CNTN5: variants seen among roughly 807,000 people sequenced by gnomAD.
The protein encoded by CNTN5 is contactin-5.
In CNTN5, 77 loss-of-function variants were observed where a neutral mutation model predicts 129.1. The observed-to-expected ratio is 0.60, with a 90% CI of 0.50 to 0.72. The LOEUF (loss-of-function observed/expected upper bound fraction) is 0.72, where lower values mean the gene tolerates loss of function less well. Among genes scored for constraint, CNTN5 ranks in the 30% least tolerant of loss-of-function variants. The pLI is 0.00. For missense variants in CNTN5, 1,478 were observed against 1,328.8 expected, an observed-to-expected ratio of 1.11 and a Z score of -1.75; for synonymous variants, 509 against 465.6, an observed-to-expected ratio of 1.09 and a Z score of -1.20.
chr11:99,186,961 C>T (rs571892007), intron 1 of CNTN5, among the ~76,000 whole-genome samples: 2 of 151,940 alleles, frequency 1.3e-5, no homozygotes, highest in East Asian at 3.9e-4. Context: ...AGCCAGTTCT[C>T]AAACATTTCC....
intron 4 of CNTN5, among the ~76,000 whole-genome samples, chr11:99,841,781 TTATA>T (rs755315937): frequency 7.2e-4 from 70 of 96,924 alleles, no homozygotes; most frequent in African/African-American, 1.6e-3. Flanking sequence ...GGTTTGACAT[TTATA>T]TATATATATA....
chr11:100,032,169 C>T (rs1941747539), intron 9 of CNTN5, among the ~76,000 whole-genome samples: 2 of 152,068 alleles, frequency 1.3e-5, no homozygotes, highest in Admixed American at 1.3e-4. Flanking sequence ...TATATTTGGC[C>T]CATGAAGATT....
At chr11:99,447,025 T>A (rs1944100996) in intron 2 of CNTN5, among the ~76,000 whole-genome samples, 1 of 152,218 alleles carries the variant, frequency 6.6e-6, no homozygotes, top group African/African-American at 2.4e-5. Context: ...CCTACTGTTG[T>A]TCATAGTCTA....
At chr11:99,292,088 T>G (rs1864192879) in intron 1 of CNTN5, among the ~76,000 whole-genome samples, 1 of 152,036 alleles carries the variant, frequency 6.6e-6, no homozygotes, top group Non-Finnish European at 1.5e-5. Context: ...TTTAAATGAT[T>G]GGTAGAAACA....
At chr11:99,849,761 C>T (rs1335039688) in intron 6 of CNTN5, among the ~76,000 whole-genome samples, 1 of 152,160 alleles carries the variant, frequency 6.6e-6, no homozygotes, top group Non-Finnish European at 1.5e-5. Flanking sequence ...ATTTTATCCT[C>T]ATAACCAACA....
chr11:100,218,088 C>A (rs769152183), intron 15 of CNTN5, among the ~76,000 whole-genome samples: 1 of 152,174 alleles, frequency 6.6e-6, no homozygotes, highest in Non-Finnish European at 1.5e-5. Flanking sequence ...CAGGTTGAAT[C>A]TAATGATATG....
At chr11:99,331,885 A>G (rs1389029670) in intron 2 of CNTN5, among the ~76,000 whole-genome samples, 16 of 152,098 alleles carry the variant, frequency 1.1e-4, no homozygotes, top group Admixed American at 7.2e-4. Flanking sequence ...GCCTTAAGAC[A>G]CAATGCATAT....
chr11:99,156,176 T>C (rs1728463485), intron 1 of CNTN5, among the ~76,000 whole-genome samples: 1 of 151,956 alleles, frequency 6.6e-6, no homozygotes, highest in Non-Finnish European at 1.5e-5. Context: ...GAAATGTCAT[T>C]AATAATAAAA....
At chr11:99,031,894 C>A (rs1863401067) in intron 1 of CNTN5, among the ~76,000 whole-genome samples, 1 of 148,988 alleles carries the variant, frequency 6.7e-6, no homozygotes, top group Non-Finnish European at 1.5e-5. Context: ...TTAGGTATAT[C>A]TCCCAATGCT....
intron 2 of CNTN5, among the ~76,000 whole-genome samples, chr11:99,484,442 A>G (rs1290095202): frequency 6.6e-6 from 1 of 152,136 alleles, no homozygotes; most frequent in East Asian, 1.9e-4. Context: ...AATGTAAACT[A>G]CTACAGCCAC....
intron 2 of CNTN5, among the ~76,000 whole-genome samples, chr11:99,500,704 A>G (rs1946394220): frequency 6.6e-6 from 1 of 152,170 alleles, no homozygotes; most frequent in East Asian, 1.9e-4. Flanking sequence ...TTGTTTAAGC[A>G]TATTTGAATT....
intron 1 of CNTN5, among the ~76,000 whole-genome samples, chr11:99,232,535 C>T (rs959751059): frequency 1.3e-5 from 2 of 152,102 alleles, no homozygotes; most frequent in Non-Finnish European, 2.9e-5. Context: ...TGCTTGTCAT[C>T]TTAAGAAGCT....
chr11:99,910,962 C>T lies in CNTN5; in HGVS notation c.578-5092C>T, dbSNP rs1949643334. 3.9e-5 allele frequency among the ~76,000 whole-genome samples: 6 copies of T among 152,010 alleles called. No homozygotes were observed. In the South Asian group the frequency reaches 1.2e-3, roughly 32 times the overall value. ...TGCAATCACTTTGCAAGTGAGGCAG[C>T]AAATACCAAGTCAGTATTACAAAAC... On this transcript the variant is annotated intron_variant, in intron 6 of 24. Transcript: ENST00000524871.
chr11:100,026,711 CA>C (rs1172350497), intron 9 of CNTN5, among the ~76,000 whole-genome samples: 1 of 152,020 alleles, frequency 6.6e-6, no homozygotes, highest in Admixed American at 6.6e-5. Context: ...GTTTTTGGCC[CA>C]TTTTTTTAGT....
intron 21 of CNTN5, chr11:100,336,943 G>A (rs1245445147): frequency 5.9e-5 from 40 of 676,966 alleles, no homozygotes; most frequent in Admixed American, 2.2e-4. Flanking sequence ...TTTGGATCGC[G>A]GGCACCTTCT....
chr11:99,546,478 T>C (rs886900813), intron 2 of CNTN5, among the ~76,000 whole-genome samples: 3 of 151,664 alleles, frequency 2.0e-5, no homozygotes, highest in East Asian at 1.9e-4. Flanking sequence ...GAGGAAACTT[T>C]AGTTGTTATA....
intron 7 of CNTN5, among the ~76,000 whole-genome samples, chr11:99,922,927 A>C (rs561365903): frequency 6.6e-6 from 1 of 152,318 alleles, no homozygotes; most frequent in African/African-American, 2.4e-5. Flanking sequence ...ATTGTATCCT[A>C]TATTCATGAC....
intron 6 of CNTN5, among the ~76,000 whole-genome samples, chr11:99,850,788 G>GA (rs1235427130): frequency 6.6e-6 from 1 of 151,934 alleles, no homozygotes; most frequent in Non-Finnish European, 1.5e-5. Flanking sequence ...ACATGTAAAG[G>GA]AATCTAACAG....
At chr11:99,909,578 A>T (rs774431004) in intron 6 of CNTN5, among the ~76,000 whole-genome samples, 3 of 152,166 alleles carry the variant, frequency 2.0e-5, no homozygotes, top group Non-Finnish European at 4.4e-5. Flanking sequence ...TCCAACAATG[A>T]TAGACTGGAT....
Sources: gnomAD v4.1 joint callset for allele counts (sites outside exome capture counted in the v4.1 genomes callset) on GRCh38, gnomAD v4.1.1 for gene constraint, MANE v1.5 for transcripts, NCBI Gene and HGNC (gene_info 2026-07-23, HGNC 2026-07-21) for gene names.